CCDC60: variants seen among roughly 807,000 people sequenced by gnomAD.
CCDC60 encodes coiled-coil domain containing 60, also known as coiled-coil domain-containing protein 60.
Under a neutral mutation model 63.5 loss-of-function variants are expected in CCDC60, and 54 were observed. The ratio of observed to expected loss-of-function variants is 0.85; its 90% CI spans 0.68 to 1.07. The LOEUF (loss-of-function observed/expected upper bound fraction) is 1.07. CCDC60 is among the 50% of genes least tolerant of loss of function. The pLI, the probability that CCDC60 is intolerant of heterozygous loss-of-function variation, is 0.00. For synonymous variants in CCDC60, 206 were observed against 238.8 expected (o/e 0.86, Z 1.27); for missense variants, 651 against 684.3 (o/e 0.95, Z 0.54).
rs540192427 is a variant in CCDC60 at position 119,353,157 on chromosome 12, T to C, written c.90+17891T>C. Among the ~76,000 whole-genome samples the C allele has an allele frequency of 2.7e-5, 4 of 149,322 alleles. No individual in the cohort carries two copies. The East Asian group carries it at 7.8e-4, about 29-fold the overall frequency. ...CAAAACAAAGTGTCCCTTTTCTCCTTTTTTTTTTATATAAGAACATGGTCC... is the reference window on the plus strand; with the variant it reads ...CAAAACAAAGTGTCCCTTTTCTCCTCTTTTTTTTATATAAGAACATGGTCC... On this transcript the variant is annotated intron_variant, in intron 1 of 13. Coordinates refer to ENST00000327554, the MANE Select transcript of CCDC60 (RefSeq NM_178499.5).
At chr12:119,360,512 G>A (rs1184455546) in intron 1 of CCDC60, among the ~76,000 whole-genome samples, 7 of 148,498 alleles carry the variant, frequency 4.7e-5, no homozygotes, top group Non-Finnish European at 9.0e-5. Flanking sequence ...GCTGCCGGGC[G>A]GAGGGTCTCC....
intron 1 of CCDC60, among the ~76,000 whole-genome samples, chr12:119,360,363 G>A (rs1212796440): frequency 1.2e-4 from 10 of 85,624 alleles, no homozygotes; most frequent in Admixed American, 1.7e-4. Context: ...CCTCCCTCCC[G>A]GACGGGGCGG....
In CCDC60 at chr12:119,504,982, C is replaced by T. The variant is rs796506764; in HGVS notation, c.649-87C>T. ...GCTTTGCTTTTGTCTGCTGTCCCTC[C>T]CCACCTTCCTCCTTCCCTCCTTTCT... On this transcript the variant is annotated intron_variant, in intron 6 of 13. Transcript: ENST00000327554. The T allele has an allele frequency of 7.0e-6, 7 of 1,006,910 alleles. No individual in the cohort carries two copies. The African/African-American group carries it at 9.7e-5, about 14-fold the overall frequency. The allele number at this position is 1,006,910 out of a possible 1,614,324, so 62.4% of individuals were successfully genotyped here.
At chr12:119,520,251 C>A (rs1399597103) in intron 9 of CCDC60, 59 bp downstream of exon 9, 11 of 1,440,028 alleles carry the variant, frequency 7.6e-6, no homozygotes, top group Admixed American at 1.7e-5. Flanking sequence ...CTTACAGGGG[C>A]CACTGCAGGG....
Position 119,520,140 on chromosome 12 carries a change from CA to C in CCDC60, c.992del (p.Asn331ThrfsTer56). On this transcript the variant is annotated frameshift_variant, in exon 9 of 14. Transcript: ENST00000327554. LOFTEE classifies it high-confidence loss of function. ...KAPSILSVLK[Q>X]NKSNSAYKEM... ...TTGCAGCATCTTGTCAGTGCTGAAACAAAACAAGAGTAATTCTGCTTATAAG... is the reference window on the plus strand; with the variant it reads ...TTGCAGCATCTTGTCAGTGCTGAAACAAACAAGAGTAATTCTGCTTATAAG... 6.2e-7 allele frequency: 1 copy of C among 1,613,842 alleles called. No homozygotes were observed. Among genetic ancestry groups the C allele is most frequent in the Non-Finnish European group, 8.5e-7 (1 of 1,179,884 alleles).
intron 10 of CCDC60, 99 bp downstream of exon 10, chr12:119,523,100 G>A: frequency 1.8e-6 from 2 of 1,086,660 alleles, no homozygotes; most frequent in Non-Finnish European, 2.9e-6. Flanking sequence ...ATGCAGACCA[G>A]ACTCCCTAAA....
rs1240693417 is a variant in CCDC60, at chr12:119,354,123, T to A, written c.90+18857T>A. On this transcript the variant is annotated intron_variant, in intron 1 of 13. Transcript: ENST00000327554. ...CCTTTCTTCTCCATTTCTCTCTCTCTCTTTCTCTGTCTACCCTCCATCATG... is the reference window on the plus strand; with the variant it reads ...CCTTTCTTCTCCATTTCTCTCTCTCACTTTCTCTGTCTACCCTCCATCATG... Among the ~76,000 whole-genome samples, 3 of 152,202 alleles carry A rather than the reference T, an allele frequency of 2.0e-5. No individual in the cohort carries two copies. The East Asian group carries it at 5.8e-4, about 30-fold the overall frequency.
chr12:119,389,788 GCA>G lies in CCDC60; in HGVS notation c.91-38882_91-38881del, dbSNP rs142089063. 4.7e-3 allele frequency among the ~76,000 whole-genome samples: 704 copies of G among 151,352 alleles called. 7 individuals are homozygous for G. The highest frequency in any genetic ancestry group is 0.016 in the African/African-American group (650 of 41,368). Reference sequence around the variant, plus strand: ...CAAATCACCACCAACACACAGGCATGCACACACACACACATACACAGAGCAAG... The same window carrying G: ...CAAATCACCACCAACACACAGGCATGCACACACACACATACACAGAGCAAG... On this transcript the variant is annotated intron_variant, in intron 1 of 13. Coordinates refer to ENST00000327554, the MANE Select transcript of CCDC60 (RefSeq NM_178499.5).
chr12:119,519,566 G>A (rs1202337026), intron 8 of CCDC60, among the ~76,000 whole-genome samples: 1 of 150,956 alleles, frequency 6.6e-6, no homozygotes, highest in East Asian at 1.9e-4. Context: ...TGGTTCAAGC[G>A]ATTCTTCCAC....
At position 119,420,133 on chromosome 12, in the gene CCDC60, C is replaced by T. The variant is rs947131324; in HGVS notation, c.91-8550C>T. Among the ~76,000 whole-genome samples the T allele has an allele frequency of 6.6e-6, 1 of 152,100 alleles. No homozygotes were observed. Among genetic ancestry groups the T allele is most frequent in the Non-Finnish European group, 1.5e-5 (1 of 68,020 alleles). ...CCTCGTGATCCACCCGCCTCGGCCT[C>T]CCAAAGTGCTGAGATTACAGGTATA... On this transcript the variant is annotated intron_variant, in intron 1 of 13. Transcript: ENST00000327554. The surrounding 1 kb of genome is among the most constrained non-coding windows in gnomAD (Gnocchi z 4.1).
At chr12:119,439,443 C>G (rs890630813) in intron 2 of CCDC60, among the ~76,000 whole-genome samples, 6 of 152,168 alleles carry the variant, frequency 3.9e-5, no homozygotes, top group Admixed American at 3.9e-4. Flanking sequence ...CAGCTACAGT[C>G]AGAAAGGAAA....
In CCDC60 at chr12:119,540,696, C is replaced by T; in HGVS notation, c.1634C>T (p.Pro545Leu). 6.2e-7 allele frequency: 1 copy of T among 1,613,482 alleles called. No homozygotes were observed. Among genetic ancestry groups the T allele is most frequent in the Non-Finnish European group, 8.5e-7 (1 of 1,179,722 alleles). Residue 545 changes from proline (P) to leucine (L), a missense_variant, in exon 14 of 14, where the codon CCC becomes CTC. Transcript: ENST00000327554. Reference protein sequence around the residue: ...LQSRINIPIGPYSALR With the variant: ...LQSRINIPIGLYSALR ...AGCCGGATCAACATACCCATTGGGC[C>T]CTACAGCGCCCTGAGGTAGGCTGGG...
At chr12:119,360,813 G>A (rs1242922695) in intron 1 of CCDC60, among the ~76,000 whole-genome samples, 29 of 152,120 alleles carry the variant, frequency 1.9e-4, no homozygotes, top group Non-Finnish European at 3.5e-4. Flanking sequence ...GTAGCGAGCC[G>A]AGATCATGCC....
intron 1 of CCDC60, among the ~76,000 whole-genome samples, chr12:119,358,031 C>CACACTTTGG (rs1955735626): frequency 6.6e-6 from 1 of 152,090 alleles, no homozygotes; most frequent in Non-Finnish European, 1.5e-5. Context: ...AGGCGAGCTA[C>CACACTTTGG]ACACTTTTAA....
chr12:119,388,067 C>A (rs931147410), intron 1 of CCDC60: 1 of 152,220 alleles, frequency 6.6e-6, no homozygotes, highest in East Asian at 1.9e-4. Context: ...GTTAATTCAT[C>A]GGCTCAATGT....
At chr12:119,385,402 T>C (rs1053302691) in intron 1 of CCDC60, among the ~76,000 whole-genome samples, 1 of 152,164 alleles carries the variant, frequency 6.6e-6, no homozygotes, top group African/African-American at 2.4e-5. Context: ...TGGAAGATAA[T>C]TGAATCATGG....
chr12:119,465,757 C>CAAA (rs11374064), intron 2 of CCDC60, among the ~76,000 whole-genome samples: 3 of 146,184 alleles, frequency 2.1e-5, no homozygotes, highest in South Asian at 2.2e-4. Flanking sequence ...GACTTCATCT[C>CAAA]AAAAAAAAAA....
chr12:119,413,876 A>T (rs1956650873), intron 1 of CCDC60, among the ~76,000 whole-genome samples: 1 of 152,186 alleles, frequency 6.6e-6, no homozygotes, highest in Non-Finnish European at 1.5e-5. Flanking sequence ...TTCACAGAAG[A>T]GAGGGAGAAG....
Position 119,528,741 on chromosome 12 carries a change from C to A in CCDC60, c.1356C>A (p.Asp452Glu), listed in dbSNP as rs746280284. ...VVKGDAEEIA[D>E]HWYFDLLSKL... The stretch of plus-strand genomic sequence containing the variant: ...AAGGAGATGCAGAAGAAATTGCAGA[C>A]CACTGGTAAATATCCTAAGAACCAG... The change falls in exon 12 of 14, where the codon GAC becomes GAA. Residue 452 changes from aspartate to glutamate, a missense_variant. Asp to Glu is a conservative substitution (Grantham distance 45). Coordinates refer to ENST00000327554, the MANE Select transcript of CCDC60 (RefSeq NM_178499.5). 5.0e-6 allele frequency: 8 copies of A among 1,613,130 alleles called. 1 individual carries two copies. The Admixed American group carries it at 1.0e-4, about 20-fold the overall frequency.
Sources: gnomAD v4.1 joint callset for allele counts (sites outside exome capture counted in the v4.1 genomes callset) on GRCh38, gnomAD v4.1.1 for gene constraint, Gnocchi (gnomAD v3.1) non-coding constraint, MANE v1.5 for transcripts, NCBI Gene and HGNC (gene_info 2026-07-23, HGNC 2026-07-21) for gene names.